Variants in GRAMD2B observed in about 807,000 individuals in gnomAD.
The protein encoded by GRAMD2B is GRAM domain containing 2B.
GRAMD2B carries 41 observed loss-of-function variants against 59.2 expected under a neutral mutation model. The observed-to-expected ratio is 0.69, with a 90% CI of 0.54 to 0.90. The LOEUF (loss-of-function observed/expected upper bound fraction) is 0.90, where lower values mean the gene tolerates loss of function less well. Among genes scored for constraint, GRAMD2B ranks in the 40% least tolerant of loss-of-function variants. The probability of loss-of-function intolerance (pLI) is 0.00; values close to 1 mark genes in which losing one functional copy is unlikely to be tolerated. For missense variants in GRAMD2B, 424 were observed against 500.5 expected (o/e 0.85, Z 1.46); for synonymous variants, 161 against 182.7 (o/e 0.88, Z 0.96).
intron 1 of GRAMD2B, among the ~76,000 whole-genome samples, chr5:126,454,806 T>C (rs766212453): frequency 6.6e-6 from 1 of 152,218 alleles, no homozygotes; most frequent in Non-Finnish European, 1.5e-5. Flanking sequence ...TGCTTGAGAC[T>C]CAGTGGAATT....
chr5:126,429,570 T>C (rs1333509633), intron 1 of GRAMD2B, among the ~76,000 whole-genome samples: 3 of 152,152 alleles, frequency 2.0e-5, no homozygotes, highest in Non-Finnish European at 4.4e-5. Context: ...AGAAATGTAC[T>C]TCACCTAGTG....
intron 1 of GRAMD2B, among the ~76,000 whole-genome samples, chr5:126,389,785 T>C (rs190801394): frequency 3.3e-5 from 5 of 152,128 alleles, no homozygotes; most frequent in Admixed American, 3.3e-4. Context: ...TCGTTCCTAC[T>C]GAAAATACAA....
intron 1 of GRAMD2B, among the ~76,000 whole-genome samples, chr5:126,454,831 C>A (rs753441617): frequency 6.6e-6 from 1 of 152,148 alleles, no homozygotes; most frequent in East Asian, 1.9e-4. Context: ...TCCAAACTGG[C>A]GGAACCCCTC....
intron 3 of GRAMD2B, among the ~76,000 whole-genome samples, chr5:126,470,543 G>A (rs938198797): frequency 6.6e-6 from 1 of 151,948 alleles, no homozygotes; most frequent in Non-Finnish European, 1.5e-5. Context: ...GTCACATACT[G>A]CATGTAATTG....
intron 1 of GRAMD2B, among the ~76,000 whole-genome samples, chr5:126,439,768 A>C (rs1762992389): frequency 6.6e-6 from 1 of 152,184 alleles, no homozygotes; most frequent in Non-Finnish European, 1.5e-5. Flanking sequence ...TCTTGACTGG[A>C]GCTCCCATAA....
chr5:126,434,679 G>A (rs543791587), intron 1 of GRAMD2B, among the ~76,000 whole-genome samples: 29 of 152,040 alleles, frequency 1.9e-4, no homozygotes, highest in African/African-American at 6.5e-4. Context: ...CACCACGCCC[G>A]GCTAATTTTT....
chr5:126,466,559 G>A lies in GRAMD2B; in HGVS notation c.203+1014G>A, dbSNP rs116592577. Reference sequence around the variant, plus strand: ...TCCTCCCTCAGCCACCCTGGTAGCTGGGCCTACAGGCATGCACCACCATGC... The same window carrying A: ...TCCTCCCTCAGCCACCCTGGTAGCTAGGCCTACAGGCATGCACCACCATGC... On this transcript the variant is annotated intron_variant, in intron 2 of 13. Transcript: ENST00000285689. Among the ~76,000 whole-genome samples the A allele has an allele frequency of 5.3e-3, 806 of 152,158 alleles. 10 individuals are homozygous for A. Among genetic ancestry groups the A allele is most frequent in the African/African-American group, 0.019 (772 of 41,504 alleles).
chr5:126,361,404 C>A (rs1055668412), intron 1 of GRAMD2B, among the ~76,000 whole-genome samples: 3 of 151,554 alleles, frequency 2.0e-5, no homozygotes, highest in Non-Finnish European at 4.4e-5. Context: ...GCATTTGAAT[C>A]CCAACTCTGC....
intron 1 of GRAMD2B, among the ~76,000 whole-genome samples, chr5:126,455,259 T>TGA (rs1489844411): frequency 2.0e-5 from 3 of 152,220 alleles, no homozygotes; most frequent in Admixed American, 6.5e-5. Flanking sequence ...ATCAGGTCCA[T>TGA]GATGTATAAA....
intron 1 of GRAMD2B, among the ~76,000 whole-genome samples, chr5:126,444,972 T>C (rs950581145): frequency 6.6e-6 from 1 of 152,210 alleles, no homozygotes. Context: ...CCTGCATTAG[T>C]TGGCCGAGAA....
chr5:126,447,399 A>G (rs1302895090), intron 1 of GRAMD2B, among the ~76,000 whole-genome samples: 1 of 152,210 alleles, frequency 6.6e-6, no homozygotes, highest in African/African-American at 2.4e-5. Context: ...GCAGTGGCTC[A>G]CGCCTGTAAT....
intron 1 of GRAMD2B, among the ~76,000 whole-genome samples, chr5:126,390,959 C>T (rs961364892): frequency 6.6e-6 from 1 of 152,126 alleles, no homozygotes; most frequent in Non-Finnish European, 1.5e-5. Flanking sequence ...ATACTCTAGC[C>T]ACTTTGCTGT....
intron 2 of GRAMD2B, chr5:126,467,486 T>G (rs889965501): frequency 4.6e-5 from 7 of 152,074 alleles, no homozygotes; most frequent in Admixed American, 1.3e-4. Context: ...CCCTTATTGC[T>G]TGTGCCTTTT....
intron 1 of GRAMD2B, among the ~76,000 whole-genome samples, chr5:126,398,189 A>AT (rs1177102487): frequency 6.6e-6 from 1 of 151,356 alleles, no homozygotes; most frequent in Non-Finnish European, 1.5e-5. Flanking sequence ...ATGCCAACTA[A>AT]TTTTTTTATT....
At chr5:126,480,757 C>G (rs754151280) in intron 8 of GRAMD2B, 50 bp downstream of exon 8, 1 of 1,472,996 alleles carries the variant, frequency 6.8e-7, no homozygotes, top group Non-Finnish European at 9.5e-7. Flanking sequence ...GAATATGTCC[C>G]ACAATTACAC....
At chr5:126,439,993 A>T (rs1054020692) in intron 1 of GRAMD2B, among the ~76,000 whole-genome samples, 1 of 152,128 alleles carries the variant, frequency 6.6e-6, no homozygotes, top group Non-Finnish European at 1.5e-5. Flanking sequence ...CTCCGCAGTC[A>T]TGTGGAACAG....
At chr5:126,388,421 A>G (rs1219337271) in intron 1 of GRAMD2B, among the ~76,000 whole-genome samples, 1 of 152,082 alleles carries the variant, frequency 6.6e-6, no homozygotes, top group Admixed American at 6.6e-5. Flanking sequence ...GCTGTTTTCA[A>G]CCAAGACAAA....
intron 3 of GRAMD2B, 126 bp from the exon 4 acceptor site, chr5:126,472,112 T>A: frequency 1.4e-6 from 1 of 696,970 alleles, no homozygotes; most frequent in East Asian, 2.6e-5. Context: ...TCAGAGACTG[T>A]AAGATCAGTG....
exon 14 of GRAMD2B, chr5:126,494,354 CAAAAAAAAAAGAAA>C (rs1386784669): frequency 2.5e-5 from 3 of 122,440 alleles, no homozygotes; most frequent in African/African-American, 9.6e-5. Context: ...ACTTTGAAGT[CAAAAAAAAAAGAAA>C]AAAAAAAAAG....
Sources: gnomAD v4.1 joint callset for allele counts (sites outside exome capture counted in the v4.1 genomes callset) on GRCh38, gnomAD v4.1.1 for gene constraint, MANE v1.5 for transcripts, NCBI Gene and HGNC (gene_info 2026-07-23, HGNC 2026-07-21) for gene names.